TSC22D1: variants seen among roughly 807,000 people sequenced by gnomAD.
TSC22D1 encodes the protein TSC22 domain family member 1.
TSC22D1 carries 9 observed loss-of-function variants against 74.2 expected under a neutral mutation model. The observed-to-expected ratio is 0.12, with a 90% CI of 0.07 to 0.21. The LOEUF is 0.21. Among genes scored for constraint, TSC22D1 ranks in the 10% least tolerant of loss-of-function variants. The pLI, the probability that TSC22D1 is intolerant of heterozygous loss-of-function variation, is 1.00. For synonymous variants in TSC22D1, 586 were observed against 492.5 expected (o/e 1.19, Z -2.51); for missense variants, 1,427 against 1,304.7 (o/e 1.09, Z -1.44).
chr13:44,517,682 C>T (rs1352803040), intron 1 of TSC22D1, among the ~76,000 whole-genome samples: 3 of 114,222 alleles, frequency 2.6e-5, no homozygotes, highest in African/African-American at 1.0e-4. Context: ...CTGTTTCTAT[C>T]AAAAGAAAAA....
intron 1 of TSC22D1, among the ~76,000 whole-genome samples, chr13:44,532,628 C>G (rs1421874247): frequency 6.6e-6 from 1 of 152,144 alleles, no homozygotes; most frequent in East Asian, 1.9e-4. Context: ...CGCACGCCAC[C>G]ATGCCCGGCT....
chr13:44,466,079 A>G (rs547414582), intron 1 of TSC22D1, among the ~76,000 whole-genome samples: 5 of 152,364 alleles, frequency 3.3e-5, no homozygotes, highest in Admixed American at 3.3e-4. Flanking sequence ...GGATATTCCT[A>G]GGACACAAGC....
chr13:44,496,004 C>G (rs73188778), intron 1 of TSC22D1, among the ~76,000 whole-genome samples: 1 of 152,074 alleles, frequency 6.6e-6, no homozygotes, highest in African/African-American at 2.4e-5. Context: ...CAAAATTAAA[C>G]CTTTTGTACA....
intron 1 of TSC22D1, among the ~76,000 whole-genome samples, chr13:44,517,100 G>A (rs1409137983): frequency 6.6e-6 from 1 of 152,112 alleles, no homozygotes; most frequent in Non-Finnish European, 1.5e-5. Flanking sequence ...GTGTTTGTGT[G>A]TATACACATG....
intron 1 of TSC22D1, among the ~76,000 whole-genome samples, chr13:44,557,433 T>G (rs1042435521): frequency 1.1e-4 from 16 of 152,348 alleles, no homozygotes; most frequent in Admixed American, 3.9e-4. Context: ...TGCACTCCAG[T>G]CTGGCGACAG....
chr13:44,556,076 AATG>A (rs1415540830), intron 1 of TSC22D1, among the ~76,000 whole-genome samples: 21 of 152,316 alleles, frequency 1.4e-4, no homozygotes, highest in African/African-American at 5.1e-4. Context: ...ATTACTATTA[AATG>A]ATAAATAAAG....
At chr13:44,444,304 A>AAAAAAAAAAAAAAAAAAAAAG (rs1875451694) in intron 1 of TSC22D1, among the ~76,000 whole-genome samples, 1 of 140,866 alleles carries the variant, frequency 7.1e-6, no homozygotes, top group African/African-American at 2.7e-5. Flanking sequence ...AAAAAAAAAA[A>AAAAAAAAAAAAAAAAAAAAAG]AAAAGAAAAG....
At chr13:44,503,498 C>T (rs894705709) in intron 1 of TSC22D1, among the ~76,000 whole-genome samples, 2 of 152,112 alleles carry the variant, frequency 1.3e-5, no homozygotes, top group Non-Finnish European at 2.9e-5. Flanking sequence ...ACATAAATAC[C>T]TTCAAATTTT....
At chr13:44,453,979 C>T (rs1204120858) in intron 1 of TSC22D1, among the ~76,000 whole-genome samples, 4 of 152,142 alleles carry the variant, frequency 2.6e-5, no homozygotes, top group Admixed American at 1.3e-4. Context: ...TTAAATACTA[C>T]ATATATTTAA....
intron 1 of TSC22D1, among the ~76,000 whole-genome samples, chr13:44,503,938 C>T (rs1046825530): frequency 6.6e-6 from 1 of 151,224 alleles, no homozygotes; most frequent in Non-Finnish European, 1.5e-5. Context: ...AGTAAATAAA[C>T]CTTAGAGAAT....
intron 1 of TSC22D1, among the ~76,000 whole-genome samples, chr13:44,549,158 C>T (rs1454059838): frequency 6.6e-6 from 1 of 151,980 alleles, no homozygotes; most frequent in African/African-American, 2.4e-5. Flanking sequence ...TATTCAAGTT[C>T]CTCCGTATAT....
chr13:44,460,051 C>G (rs1160978143), intron 1 of TSC22D1, among the ~76,000 whole-genome samples: 1 of 152,200 alleles, frequency 6.6e-6, no homozygotes. Context: ...CCCCCAGCCA[C>G]AGAGGTTTCT....
intron 1 of TSC22D1, among the ~76,000 whole-genome samples, chr13:44,545,261 G>A (rs1881745571): frequency 6.6e-6 from 1 of 151,240 alleles, no homozygotes; most frequent in Non-Finnish European, 1.5e-5. Flanking sequence ...CTTGAACCCG[G>A]GAGGTGGAGG....
intron 1 of TSC22D1, among the ~76,000 whole-genome samples, chr13:44,487,997 G>GC (rs1878524547): frequency 6.6e-6 from 1 of 152,126 alleles, no homozygotes; most frequent in Non-Finnish European, 1.5e-5. Flanking sequence ...GGTGGAGGTT[G>GC]CAGTGAGTTG....
chr13:44,446,800 GAAA>G (rs869138466), intron 1 of TSC22D1, among the ~76,000 whole-genome samples: 14 of 118,218 alleles, frequency 1.2e-4, no homozygotes, highest in Non-Finnish European at 1.9e-4. Context: ...GGAGGAGGAG[GAAA>G]AGGAGGAGGA....
chr13:44,445,366 T>C (rs549591589), intron 1 of TSC22D1, among the ~76,000 whole-genome samples: 1 of 151,134 alleles, frequency 6.6e-6, no homozygotes, highest in South Asian at 2.1e-4. Flanking sequence ...CTTTACGCCA[T>C]ATGAAATATT....
Position 44,573,882 on chromosome 13 carries a change from A to G in TSC22D1, c.2193T>C (p.Asn731=), listed in dbSNP as rs918131294. 9.9e-6 allele frequency: 16 copies of G among 1,614,118 alleles called. No individual in the cohort carries two copies. The highest frequency in any genetic ancestry group is 1.4e-5 in the Non-Finnish European group (16 of 1,180,014). The part of the protein sequence containing the change: ...SAVPTGSQIA[N]IGQQANIPTA... ...TAGGTATGTTTGCTTGCTGACCAAT[A>G]TTTGCAATCTGACTGCCAGTAGGTA... is the stretch of plus-strand genomic sequence containing the variant. The change falls in exon 1 of 3, where the codon AAT becomes AAC. Residue 731 remains asparagine (N), a synonymous_variant. Transcript: ENST00000458659.
At chr13:44,451,268 TCAG>T (rs1175993665) in intron 1 of TSC22D1, 1 of 152,216 alleles carries the variant, frequency 6.6e-6, no homozygotes, top group Non-Finnish European at 1.5e-5. Context: ...ACTGCAACAG[TCAG>T]CACAGAGACT....
intron 1 of TSC22D1, among the ~76,000 whole-genome samples, chr13:44,509,049 A>C (rs540270485): frequency 2.0e-5 from 3 of 152,208 alleles, no homozygotes; most frequent in Non-Finnish European, 4.4e-5. Context: ...AGCCATACTC[A>C]TTGAATGAAG....
Sources: allele counts gnomAD v4.1 joint callset (sites outside exome capture counted in the v4.1 genomes callset), GRCh38; gene constraint gnomAD v4.1.1; transcripts MANE v1.5; gene names NCBI Gene and HGNC (gene_info 2026-07-23, HGNC 2026-07-21).